ZNF469: variants seen among roughly 807,000 people sequenced by gnomAD.
ZNF469 encodes the protein zinc finger protein 469.
Under a neutral mutation model 1.0 loss-of-function variants are expected in ZNF469, and 1 was observed. The observed-to-expected ratio is 1.00, with a 90% CI of 0.35 to 4.73. The LOEUF is 4.73. Ranked by LOEUF, ZNF469 falls within the 30% of genes most tolerant of loss-of-function variation. The pLI, the probability that ZNF469 is intolerant of heterozygous loss-of-function variation, is 0.16. For synonymous variants in ZNF469, 2,703 were observed against 2,363.4 expected (o/e 1.14, Z -4.17); for missense variants, 6,100 against 5,356.3 (o/e 1.14, Z -4.33).
chr16:88,203,742 G>A, the ZNF469 span, among the ~76,000 whole-genome samples: 1 of 152,046 alleles, frequency 6.6e-6, no homozygotes, highest in Non-Finnish European at 1.5e-5. Context: ...GTGTGTGTGT[G>A]TGTGTGTATC....
the ZNF469 span, among the ~76,000 whole-genome samples, chr16:88,238,349 C>T: frequency 2.6e-5 from 4 of 152,202 alleles, no homozygotes; most frequent in South Asian, 8.3e-4. Flanking sequence ...AGGGGTCCCT[C>T]CCTGATGCTG....
rs140056980 is a variant in ZNF469, at chr16:88,437,798, G to C, written c.10328G>C (p.Gly3443Ala). The change falls in exon 3 of 3, where the codon GGG becomes GCG. Residue 3443 changes from glycine (G) to alanine (A), a missense_variant. Coordinates refer to ENST00000565624, the MANE Select transcript of ZNF469 (RefSeq NM_001367624.2). The part of the protein sequence containing the change: ...FDRHMNKHLR[G>A]GRQPFAFRGV... ...CGCCACATGAACAAGCACCTCAGGG[G>C]GGGGCGGCAGCCCTTCGCGTTCCGC... 1,469 of 1,545,984 alleles carry C rather than the reference G, an allele frequency of 9.5e-4. 1 individual carries two copies. Among genetic ancestry groups the C allele is most frequent in the Middle Eastern group, 8.3e-4 (5 of 6,004 alleles).
At chr16:88,327,313 C>A in the ZNF469 span, among the ~76,000 whole-genome samples, 1 of 152,344 alleles carries the variant, frequency 6.6e-6, no homozygotes, top group South Asian at 2.1e-4. Context: ...CCCGCCTCGC[C>A]ACGCTGGTCC....
At position 88,433,218 on chromosome 16, in the gene ZNF469, A is replaced by C; in HGVS notation, c.5748A>C (p.Lys1916Asn). The change falls in exon 3 of 3, where the codon AAA becomes AAC. Residue 1916 changes from lysine to asparagine, a missense_variant. By Grantham distance (94) the Lys-to-Asn change is moderately conservative. Transcript: ENST00000565624. ...CAGGGCCTGGAGTGGCTAAGAGTAA[A>C]GATGGCATCCTGGGCTTGCAGGAGC... ...QLPGPGVAKS[K>N]DGILGLQELT... 1 of 1,550,286 alleles carries C rather than the reference A, an allele frequency of 6.5e-7. No homozygotes were observed. The highest frequency in any genetic ancestry group is 1.2e-5 in the South Asian group (1 of 84,056).
the ZNF469 span, among the ~76,000 whole-genome samples, chr16:88,121,045 G>A: frequency 6.6e-6 from 1 of 151,378 alleles, no homozygotes; most frequent in Non-Finnish European, 1.5e-5. Flanking sequence ...GCTATGTACT[G>A]TGCACAGTGG....
At chr16:88,120,647 G>C in the ZNF469 span, among the ~76,000 whole-genome samples, 173 of 152,330 alleles carry the variant, frequency 1.1e-3, no homozygotes, top group Non-Finnish European at 2.2e-3. Context: ...CCACCAGAAC[G>C]CCTGGGTCAC....
the ZNF469 span, among the ~76,000 whole-genome samples, chr16:88,136,572 A>G: frequency 1.3e-5 from 2 of 152,222 alleles, no homozygotes; most frequent in African/African-American, 4.8e-5. Flanking sequence ...CTTCACAAAT[A>G]AACCTAGCTA....
chr16:88,305,010 C>A, the ZNF469 span, among the ~76,000 whole-genome samples: 1 of 152,124 alleles, frequency 6.6e-6, no homozygotes, highest in Admixed American at 6.5e-5. Context: ...GATTTAGGAG[C>A]CTACTGGAAG....
the ZNF469 span, among the ~76,000 whole-genome samples, chr16:88,132,879 G>A: frequency 6.6e-6 from 1 of 152,302 alleles, no homozygotes; most frequent in African/African-American, 2.4e-5. Context: ...GTCAGCTGAG[G>A]GCCCTGCACA....
chr16:88,350,253 C>G, the ZNF469 span, among the ~76,000 whole-genome samples: 22 of 152,262 alleles, frequency 1.4e-4, no homozygotes, highest in African/African-American at 5.3e-4. Context: ...CAGCACTGCC[C>G]TCCTGTCCCA....
chr16:88,384,293 T>A (rs76723632), intron 1 of ZNF469, among the ~76,000 whole-genome samples: 1 of 152,192 alleles, frequency 6.6e-6, no homozygotes, highest in Non-Finnish European at 1.5e-5. Flanking sequence ...CAAGTCTAGT[T>A]CCCTTCTGCC....
At chr16:88,139,263 T>G in the ZNF469 span, among the ~76,000 whole-genome samples, 1 of 152,038 alleles carries the variant, frequency 6.6e-6, no homozygotes, top group South Asian at 2.1e-4. Flanking sequence ...TCTGAAATCT[T>G]TTTGCCCCCT....
chr16:88,374,016 A>AAT, the ZNF469 span, among the ~76,000 whole-genome samples: 1 of 151,692 alleles, frequency 6.6e-6, no homozygotes, highest in Non-Finnish European at 1.5e-5. Flanking sequence ...AAAAAAAAAA[A>AAT]GAGGCTTTAA....
Position 88,429,584 on chromosome 16 carries a change from T to TC in ZNF469, c.2119dup (p.Arg707ProfsTer31). On this transcript the variant is annotated frameshift_variant, in exon 3 of 3. Coordinates refer to ENST00000565624, the MANE Select transcript of ZNF469 (RefSeq NM_001367624.2). LOFTEE classifies it low-confidence loss of function (END_TRUNC). ...GTGGGTCGGGGAGGGCTGCAGGGCT[T>TC]CCCCCGTGCGCCGCCTCCGTACCCC... The TC allele has an allele frequency of 6.5e-7, 1 of 1,549,646 alleles. No homozygotes were observed. Among genetic ancestry groups the TC allele is most frequent in the Non-Finnish European group, 8.7e-7 (1 of 1,146,680 alleles).
chr16:88,348,067 C>T, the ZNF469 span, among the ~76,000 whole-genome samples: 1 of 152,268 alleles, frequency 6.6e-6, no homozygotes, highest in South Asian at 2.1e-4. Context: ...GGGCCAGGGA[C>T]AGCAGCGGGT....
chr16:88,121,463 C>G, the ZNF469 span, among the ~76,000 whole-genome samples: 1 of 152,324 alleles, frequency 6.6e-6, no homozygotes, highest in African/African-American at 2.4e-5. Flanking sequence ...AGTGAACTTC[C>G]AGAATGAAAC....
intron 1 of ZNF469, among the ~76,000 whole-genome samples, chr16:88,386,925 G>T (rs548299492): frequency 6.6e-6 from 1 of 152,310 alleles, no homozygotes; most frequent in South Asian, 2.1e-4. Flanking sequence ...TGGTCATGGT[G>T]GGGGTGGCAG....
At chr16:88,197,883 T>G in the ZNF469 span, among the ~76,000 whole-genome samples, 88 of 152,324 alleles carry the variant, frequency 5.8e-4, no homozygotes, top group African/African-American at 2.1e-3. Flanking sequence ...GGACCAGTGA[T>G]CCCAGCAGAG....
the ZNF469 span, among the ~76,000 whole-genome samples, chr16:88,125,619 T>C: frequency 6.6e-6 from 1 of 152,214 alleles, no homozygotes; most frequent in African/African-American, 2.4e-5. Flanking sequence ...TCAGTAGCAT[T>C]TTATAGTTTT....
Sources: allele counts gnomAD v4.1 joint callset (sites outside exome capture counted in the v4.1 genomes callset), GRCh38; gene constraint gnomAD v4.1.1; transcripts MANE v1.5; gene names NCBI Gene and HGNC (gene_info 2026-07-23, HGNC 2026-07-21).